The following GPHN variants were observed in gnomAD, a reference collection of about 807,000 sequenced individuals.
GPHN encodes the protein gephyrin.
A neutral mutation model predicts 95.5 loss-of-function variants in GPHN; 17 were observed. The ratio of observed to expected loss-of-function variants is 0.18; its 90% CI spans 0.12 to 0.27. The LOEUF is 0.27. GPHN is among the 10% of genes least tolerant of loss of function. The pLI, the probability that GPHN is intolerant of heterozygous loss-of-function variation, is 1.00. For missense variants in GPHN, 660 were observed against 978.1 expected (o/e 0.67, Z 4.34); for synonymous variants, 320 against 322.5 (o/e 0.99, Z 0.08).
intron 1 of GPHN, among the ~76,000 whole-genome samples, chr14:66,517,411 T>C (rs1399989961): frequency 6.6e-6 from 1 of 152,030 alleles, no homozygotes; most frequent in Non-Finnish European, 1.5e-5. Flanking sequence ...TCTATACCAA[T>C]GACATTCTTC....
intron 1 of GPHN, among the ~76,000 whole-genome samples, chr14:66,677,336 T>A (rs1447740968): frequency 4.6e-5 from 7 of 152,230 alleles, no homozygotes; most frequent in Non-Finnish European, 8.8e-5. Context: ...TTCTGGTTTC[T>A]TGAGGTGCTT....
chr14:67,628,520 C>T, the GPHN span, among the ~76,000 whole-genome samples: 61 of 152,266 alleles, frequency 4.0e-4, no homozygotes, highest in African/African-American at 1.4e-3. Flanking sequence ...TCAATGTAGC[C>T]GTATATTTCC....
At chr14:67,465,327 T>C in the GPHN span, among the ~76,000 whole-genome samples, 1 of 128,560 alleles carries the variant, frequency 7.8e-6, no homozygotes, top group African/African-American at 2.5e-5. Flanking sequence ...CCAGAGGCAG[T>C]GAACGGGAGC....
At chr14:66,946,160 AT>A (rs922327617) in intron 8 of GPHN, among the ~76,000 whole-genome samples, 5 of 152,074 alleles carry the variant, frequency 3.3e-5, no homozygotes, top group East Asian at 1.9e-4. Context: ...ATAATGAAAT[AT>A]TTTTTTTAAA....
chr14:67,128,269 T>C (rs2079459208), intron 17 of GPHN, among the ~76,000 whole-genome samples: 1 of 152,072 alleles, frequency 6.6e-6, no homozygotes, highest in Admixed American at 6.6e-5. Context: ...ACTTTTTTTT[T>C]TTTTTGAGAC....
At chr14:67,733,086 C>T in the GPHN span, among the ~76,000 whole-genome samples, 1 of 151,734 alleles carries the variant, frequency 6.6e-6, no homozygotes, top group Non-Finnish European at 1.5e-5. Context: ...CAAACCTGCA[C>T]GTTGTGCACA....
intron 9 of GPHN, among the ~76,000 whole-genome samples, chr14:67,015,804 CTG>C (rs1170084050): frequency 6.6e-6 from 1 of 152,026 alleles, no homozygotes; most frequent in Non-Finnish European, 1.5e-5. Context: ...ACACGTGTGT[CTG>C]TTTTTATGTG....
chr14:66,870,435 T>C (rs576705926), intron 4 of GPHN, among the ~76,000 whole-genome samples: 21 of 152,328 alleles, frequency 1.4e-4, no homozygotes, highest in Non-Finnish European at 2.5e-4. Context: ...TGAAGAACTT[T>C]GTAAAGAATA....
chr14:67,101,965 G>A (rs558649120), intron 13 of GPHN, among the ~76,000 whole-genome samples: 58 of 151,934 alleles, frequency 3.8e-4, no homozygotes, highest in Admixed American at 1.4e-3. Context: ...TCCGCCTCCC[G>A]GGCTCACGCC....
intron 2 of GPHN, among the ~76,000 whole-genome samples, chr14:66,694,260 CA>C (rs2067979835): frequency 6.6e-6 from 1 of 152,082 alleles, no homozygotes; most frequent in African/African-American, 2.4e-5. Context: ...AGCCAGAAGA[CA>C]GACATCTATC....
At chr14:67,569,004 C>T in the GPHN span, 25 of 604,000 alleles carry the variant, frequency 4.1e-5, 1 homozygote, top group Non-Finnish European at 4.1e-5. Flanking sequence ...GTAACTTGCC[C>T]AAGATTTGTT....
intron 2 of GPHN, among the ~76,000 whole-genome samples, chr14:66,716,610 G>T (rs2070207063): frequency 6.6e-6 from 1 of 151,996 alleles, no homozygotes; most frequent in South Asian, 2.1e-4. Flanking sequence ...ATTTTTTATA[G>T]GTCATGTGAG....
At chr14:66,532,758 C>T (rs1378039849) in intron 1 of GPHN, among the ~76,000 whole-genome samples, 3 of 152,194 alleles carry the variant, frequency 2.0e-5, no homozygotes, top group Admixed American at 2.0e-4. Context: ...GACTGTTTCT[C>T]ATCTTTGCTC....
chr14:67,380,251 C>T, the GPHN span, among the ~76,000 whole-genome samples: 1 of 152,186 alleles, frequency 6.6e-6, no homozygotes, highest in African/African-American at 2.4e-5. Context: ...CCCTTCCTGA[C>T]CTCATTAACT....
the GPHN span, among the ~76,000 whole-genome samples, chr14:67,455,298 A>T: frequency 6.6e-6 from 1 of 151,202 alleles, no homozygotes; most frequent in South Asian, 2.1e-4. Flanking sequence ...TCTCATCCCC[A>T]CCTGTTCCCT....
At chr14:66,943,644 C>T (rs1180701283) in intron 8 of GPHN, among the ~76,000 whole-genome samples, 5 of 151,126 alleles carry the variant, frequency 3.3e-5, no homozygotes, top group Non-Finnish European at 7.4e-5. Context: ...AACTGAAAGG[C>T]ACCACAACTT....
At position 67,181,077 on chromosome 14, in the gene GPHN, G is replaced by T. The variant is rs965249374; in HGVS notation, c.*140G>T. On this transcript the variant is annotated 3_prime_UTR_variant, in exon 23 of 23. Coordinates refer to ENST00000478722, the MANE Select transcript of GPHN (RefSeq NM_020806.5). ...CAACATCTTGAACTATATTTCAAAT[G>T]AATTTAAATATCTTTTAAAGAAAAA... 1 of 749,668 alleles carries T rather than the reference G, an allele frequency of 1.3e-6. No individual in the cohort carries two copies. The highest frequency in any genetic ancestry group is 1.7e-5 in the South Asian group (1 of 59,292). 46.4% of individuals were successfully genotyped at this position (749,668 alleles called of 1,614,324 possible). A position where few individuals can be genotyped will look rare whatever the true frequency, so the allele number is the denominator to read the frequency against.
the GPHN span, chr14:67,533,683 C>A: frequency 6.6e-6 from 1 of 152,094 alleles, no homozygotes; most frequent in Non-Finnish European, 1.5e-5. Context: ...GAAGGGCCCT[C>A]GGAGCGGACG....
At chr14:67,514,068 C>G in the GPHN span, among the ~76,000 whole-genome samples, 2 of 152,206 alleles carry the variant, frequency 1.3e-5, no homozygotes, top group East Asian at 3.9e-4. Flanking sequence ...TCACTTATTA[C>G]TAGGGTGCTG....
Sources: gnomAD v4.1 joint callset for allele counts (sites outside exome capture counted in the v4.1 genomes callset) on GRCh38, gnomAD v4.1.1 for gene constraint, MANE v1.5 for transcripts, NCBI Gene and HGNC (gene_info 2026-07-23, HGNC 2026-07-21) for gene names.